NUP133: variants seen among roughly 807,000 people sequenced by gnomAD.
NUP133 encodes nucleoporin 133, also known as nuclear pore complex protein Nup133.
Under a neutral mutation model 146.2 loss-of-function variants are expected in NUP133, and 66 were observed. That is an observed-to-expected ratio of 0.45 (90% confidence interval 0.37 to 0.55). The LOEUF is 0.55. NUP133 is among the 20% of genes least tolerant of loss of function. NUP133 has a pLI of 0.00. For synonymous variants in NUP133, 521 were observed against 498.8 expected (o/e 1.04, Z -0.59); for missense variants, 1,277 against 1,374.8 (o/e 0.93, Z 1.12).
chr1:229,475,118 AAATAAAAC>A (rs957069682), intron 14 of NUP133, among the ~76,000 whole-genome samples: 1 of 151,182 alleles, frequency 6.6e-6, no homozygotes, highest in African/African-American at 2.5e-5. Context: ...ATAAATAAAT[AAATAAAAC>A]AAACAAACAA....
In NUP133 at chr1:229,464,615, T is replaced by C. The variant is rs377623189; in HGVS notation, c.2551+9A>G. 45 of 1,612,924 alleles carry C rather than the reference T, an allele frequency of 2.8e-5. No homozygotes were observed. In the African/African-American group the frequency reaches 5.5e-4, roughly 20 times the overall value. On this transcript the variant is annotated intron_variant, in intron 18 of 25. Coordinates refer to ENST00000261396, the MANE Select transcript of NUP133 (RefSeq NM_018230.3). ...AATTTAAAACTCTTGCCAAGTATCATGAACTTACGAAGAGGAGATAAGAGA... is the reference window on the plus strand; with the variant it reads ...AATTTAAAACTCTTGCCAAGTATCACGAACTTACGAAGAGGAGATAAGAGA...
At chr1:229,494,139 T>G (rs377268780) in intron 8 of NUP133, among the ~76,000 whole-genome samples, 1 of 151,294 alleles carries the variant, frequency 6.6e-6, no homozygotes, top group East Asian at 1.9e-4. Context: ...CAAAAAAAAA[T>G]AAAAAGAAAA....
chr1:229,451,328 G>A (rs1341290932), intron 22 of NUP133, among the ~76,000 whole-genome samples: 1 of 151,976 alleles, frequency 6.6e-6, no homozygotes, highest in Non-Finnish European at 1.5e-5. Context: ...GAGCTTGGGA[G>A]GTCAAGGCTG....
intron 11 of NUP133, among the ~76,000 whole-genome samples, chr1:229,484,456 A>G (rs1661298086): frequency 6.6e-6 from 1 of 152,238 alleles, no homozygotes; most frequent in Non-Finnish European, 1.5e-5. Context: ...CATGCAGCCC[A>G]TGGGTTGTGG....
intron 22 of NUP133, 58 bp from the exon 23 acceptor site, chr1:229,450,663 C>A (rs1233113194): frequency 5.0e-6 from 4 of 807,174 alleles, no homozygotes; most frequent in South Asian, 1.7e-5. Flanking sequence ...ATACTAGAGA[C>A]ATTTATGGAG....
At chr1:229,487,860 T>C (rs1031440989) in intron 9 of NUP133, among the ~76,000 whole-genome samples, 1 of 128,162 alleles carries the variant, frequency 7.8e-6, no homozygotes, top group African/African-American at 3.1e-5. Flanking sequence ...TTTTTTTTTT[T>C]TGAGACAGAG....
At chr1:229,454,378 C>T (rs1186238474) in intron 21 of NUP133, among the ~76,000 whole-genome samples, 2 of 152,158 alleles carry the variant, frequency 1.3e-5, no homozygotes, top group Non-Finnish European at 2.9e-5. Flanking sequence ...CAGCATTCCC[C>T]GTGATCCTGG....
At chr1:229,458,574 T>C (rs1660619118) in intron 20 of NUP133, among the ~76,000 whole-genome samples, 1 of 152,326 alleles carries the variant, frequency 6.6e-6, no homozygotes, top group Non-Finnish European at 1.5e-5. Flanking sequence ...GAACAAATTT[T>C]AAAATTAATT....
chr1:229,470,540 C>G, intron 15 of NUP133, 40 bp downstream of exon 15: 1 of 1,514,122 alleles, frequency 6.6e-7, no homozygotes, highest in East Asian at 2.3e-5. Flanking sequence ...CACTAAATGG[C>G]ACAGTTCTAC....
intron 2 of NUP133, among the ~76,000 whole-genome samples, chr1:229,505,564 T>TA (rs56383157): frequency 0.041 from 2,601 of 63,166 alleles, 208 homozygotes; most frequent in East Asian, 0.16. Context: ...CAATTACAGT[T>TA]AAAAAAAAAA....
rs771831149 is a variant in NUP133, at chr1:229,469,593, A to G, written c.2076+987T>C. Reference sequence around the variant, plus strand: ...TCAACCTCAGGCCTGAAGAGGCACAAGGAGGGGGCAGCTACTGGAAACACA... The same window carrying G: ...TCAACCTCAGGCCTGAAGAGGCACAGGGAGGGGGCAGCTACTGGAAACACA... On this transcript the variant is annotated intron_variant, in intron 15 of 25. Coordinates refer to ENST00000261396, the MANE Select transcript of NUP133 (RefSeq NM_018230.3). Among the ~76,000 whole-genome samples the G allele has an allele frequency of 1.3e-4, 20 of 152,228 alleles. 1 individual carries two copies. Among genetic ancestry groups the G allele is most frequent in the Non-Finnish European group, 2.9e-4 (20 of 68,038 alleles).
chr1:229,489,907 A>G, intron 9 of NUP133, 48 bp downstream of exon 9: 1 of 1,454,004 alleles, frequency 6.9e-7, no homozygotes, highest in Non-Finnish European at 9.2e-7. Context: ...TGGTTAGAAA[A>G]ATACTCAACA....
intron 4 of NUP133, among the ~76,000 whole-genome samples, chr1:229,500,060 T>C (rs530439905): frequency 1.3e-5 from 2 of 151,086 alleles, no homozygotes; most frequent in South Asian, 4.1e-4. Flanking sequence ...TCCTAGCCCC[T>C]GTTTTTAAAC....
At chr1:229,464,130 G>C (rs1051870587) in intron 18 of NUP133, among the ~76,000 whole-genome samples, 2 of 152,028 alleles carry the variant, frequency 1.3e-5, no homozygotes, top group Non-Finnish European at 2.9e-5. Context: ...GGGCGAGAGA[G>C]TGACGCTCTG....
intron 5 of NUP133, among the ~76,000 whole-genome samples, chr1:229,498,930 G>A (rs975093297): frequency 7.9e-5 from 12 of 151,840 alleles, no homozygotes; most frequent in African/African-American, 7.2e-5. Flanking sequence ...ATAGGGTCTC[G>A]CTCTGTCACC....
chr1:229,505,564 TA>T (rs56383157), intron 2 of NUP133, among the ~76,000 whole-genome samples: 3,773 of 63,116 alleles, frequency 0.06, 126 homozygotes, highest in African/African-American at 0.18. Context: ...CAATTACAGT[TA>T]AAAAAAAAAA....
chr1:229,446,263 G>A (rs938727764), intron 24 of NUP133, among the ~76,000 whole-genome samples: 2 of 152,044 alleles, frequency 1.3e-5, no homozygotes, highest in African/African-American at 2.4e-5. Context: ...AAAAAAATTA[G>A]CTGGGCGTGG....
At chr1:229,504,733 A>G (rs1282780654) in intron 2 of NUP133, among the ~76,000 whole-genome samples, 4 of 152,240 alleles carry the variant, frequency 2.6e-5, no homozygotes, top group Admixed American at 1.3e-4. Context: ...TTGCATATAC[A>G]GTATTTCCCC....
chr1:229,455,556 G>A (rs1226121220), intron 21 of NUP133, among the ~76,000 whole-genome samples: 5 of 152,122 alleles, frequency 3.3e-5, no homozygotes, highest in South Asian at 2.1e-4. Context: ...GTGAGACCCT[G>A]TCTCAGAGAA....
Sources: allele counts gnomAD v4.1 joint callset (sites outside exome capture counted in the v4.1 genomes callset), GRCh38; gene constraint gnomAD v4.1.1; transcripts MANE v1.5; gene names NCBI Gene and HGNC (gene_info 2026-07-23, HGNC 2026-07-21).